Variants in NRXN1 observed in about 807,000 individuals in gnomAD.
NRXN1 encodes the protein neurexin-1.
Under a neutral mutation model 150.9 loss-of-function variants are expected in NRXN1, and 39 were observed. That is an observed-to-expected ratio of 0.26 (90% CI 0.20 to 0.34). The LOEUF (loss-of-function observed/expected upper bound fraction) is 0.34, where lower values mean the gene tolerates loss of function less well. Among genes scored for constraint, NRXN1 ranks in the 10% least tolerant of loss-of-function variants. NRXN1 has a pLI of 1.00. For missense variants in NRXN1, 1,815 were observed against 1,949.9 expected (o/e 0.93, Z 1.30); for synonymous variants, 924 against 757.0 (o/e 1.22, Z -3.62).
chr2:50,548,977 T>G (rs923860885), intron 9 of NRXN1, among the ~76,000 whole-genome samples: 2 of 152,170 alleles, frequency 1.3e-5, no homozygotes, highest in African/African-American at 4.8e-5. Flanking sequence ...TCAACAGATA[T>G]GGCCTCATTA....
intron 19 of NRXN1, among the ~76,000 whole-genome samples, chr2:50,055,743 G>A (rs76353817): frequency 0.012 from 1,825 of 152,282 alleles, 46 homozygotes; most frequent in African/African-American, 0.042. Flanking sequence ...TTCATTTAAA[G>A]CTTAACATGT....
At chr2:50,627,070 CGAAAA>C (rs1391810528) in intron 5 of NRXN1, among the ~76,000 whole-genome samples, 2 of 151,606 alleles carry the variant, frequency 1.3e-5, no homozygotes, top group African/African-American at 2.4e-5. Context: ...TGACATAAAA[CGAAAA>C]GAAAAGAGAA....
chr2:50,851,573 G>T (rs1344141182), intron 5 of NRXN1, among the ~76,000 whole-genome samples: 1 of 151,988 alleles, frequency 6.6e-6, no homozygotes, highest in Admixed American at 6.6e-5. Flanking sequence ...AGCTACTCCT[G>T]TACATCAGGA....
intron 5 of NRXN1, among the ~76,000 whole-genome samples, chr2:50,891,631 C>T (rs896554111): frequency 6.6e-6 from 1 of 151,994 alleles, no homozygotes; most frequent in Non-Finnish European, 1.5e-5. Context: ...AATAAAATCA[C>T]ATGCCAAGGC....
intron 5 of NRXN1, among the ~76,000 whole-genome samples, chr2:50,761,902 C>A (rs913185838): frequency 2.0e-5 from 3 of 151,822 alleles, no homozygotes; most frequent in Non-Finnish European, 4.4e-5. Context: ...CCAAATTCTT[C>A]AGCTTTTGGA....
At chr2:50,168,690 G>A (rs1440899355) in intron 18 of NRXN1, among the ~76,000 whole-genome samples, 1 of 152,096 alleles carries the variant, frequency 6.6e-6, no homozygotes, top group Non-Finnish European at 1.5e-5. Context: ...ATGGCCAGAG[G>A]CCAACCAACA....
chr2:50,829,775 C>A (rs918175718), intron 5 of NRXN1: 25 of 1,541,422 alleles, frequency 1.6e-5, no homozygotes, highest in Non-Finnish European at 2.2e-5. Context: ...GCCACTCAGC[C>A]CTAATGTTTT....
intron 18 of NRXN1, among the ~76,000 whole-genome samples, chr2:50,107,103 T>G (rs750057209): frequency 6.6e-6 from 1 of 151,976 alleles, no homozygotes; most frequent in Non-Finnish European, 1.5e-5. Context: ...CCACCTAAAA[T>G]AACTTTTCAA....
intron 2 of NRXN1, among the ~76,000 whole-genome samples, chr2:50,947,893 A>G (rs1459673295): frequency 6.6e-6 from 1 of 152,000 alleles, no homozygotes; most frequent in Non-Finnish European, 1.5e-5. Context: ...TATCAATTTG[A>G]TAAGTTTACA....
chr2:50,811,404 A>G (rs568616309), intron 5 of NRXN1, among the ~76,000 whole-genome samples: 93 of 152,320 alleles, frequency 6.1e-4, no homozygotes, highest in African/African-American at 1.8e-3. Flanking sequence ...GATATACAAT[A>G]AGTGATGTCA....
At chr2:50,816,898 G>A (rs1669014088) in intron 5 of NRXN1, among the ~76,000 whole-genome samples, 2 of 152,040 alleles carry the variant, frequency 1.3e-5, no homozygotes, top group South Asian at 4.1e-4. Context: ...TGTATTTTAA[G>A]ATACAAATAA....
intron 18 of NRXN1, among the ~76,000 whole-genome samples, chr2:50,201,985 T>C (rs1230744885): frequency 6.6e-6 from 1 of 152,212 alleles, no homozygotes; most frequent in Non-Finnish European, 1.5e-5. Context: ...TCTACTTTTA[T>C]TCAATACATT....
At chr2:50,320,528 G>A (rs2075962798) in intron 17 of NRXN1, among the ~76,000 whole-genome samples, 1 of 151,760 alleles carries the variant, frequency 6.6e-6, no homozygotes, top group Admixed American at 6.6e-5. Flanking sequence ...ATGGCATTAA[G>A]TGACACAGAA....
Position 50,753,278 on chromosome 2 carries a change from T to G in NRXN1, c.833-129663A>C, listed in dbSNP as rs142588572. On this transcript the variant is annotated intron_variant, in intron 5 of 22. Coordinates refer to ENST00000401669, the MANE Select transcript of NRXN1 (RefSeq NM_001330078.2). ...TAAAATTAAAATTAAAAAGCAGAAG[T>G]GGTACAGTTCTCATAATTTTCTACA... Among the ~76,000 whole-genome samples the G allele has an allele frequency of 5.4e-3, 821 of 151,982 alleles. 7 individuals are homozygous for G. The highest frequency in any genetic ancestry group is 0.018 in the African/African-American group (750 of 41,512).
intron 18 of NRXN1, among the ~76,000 whole-genome samples, chr2:50,224,113 T>A (rs945649807): frequency 1.1e-4 from 16 of 151,944 alleles, no homozygotes; most frequent in Non-Finnish European, 1.8e-4. Flanking sequence ...AATTCCATGT[T>A]TAAGGAATAT....
At chr2:50,476,859 A>G (rs182870600) in intron 15 of NRXN1, among the ~76,000 whole-genome samples, 1 of 152,272 alleles carries the variant, frequency 6.6e-6, no homozygotes, top group African/African-American at 2.4e-5. Flanking sequence ...TGCTTGACAA[A>G]TATCTTCTAA....
chr2:50,380,782 T>C (rs535167457), intron 17 of NRXN1, among the ~76,000 whole-genome samples: 1 of 152,162 alleles, frequency 6.6e-6, no homozygotes, highest in African/African-American at 2.4e-5. Context: ...CAAAGCCTGA[T>C]GTCTATCTCA....
At chr2:50,821,460 A>T (rs1392919561) in intron 5 of NRXN1, among the ~76,000 whole-genome samples, 3 of 152,148 alleles carry the variant, frequency 2.0e-5, no homozygotes, top group Middle Eastern at 3.2e-3. Flanking sequence ...TATGTGCTTA[A>T]ATCTTCCCAT....
At chr2:50,438,112 T>G (rs1225030938) in intron 17 of NRXN1, among the ~76,000 whole-genome samples, 1 of 152,160 alleles carries the variant, frequency 6.6e-6, no homozygotes, top group Non-Finnish European at 1.5e-5. Flanking sequence ...ACCTGACTTC[T>G]AGTAGAATCA....
Sources: gnomAD v4.1 joint callset for allele counts (sites outside exome capture counted in the v4.1 genomes callset) on GRCh38, gnomAD v4.1.1 for gene constraint, MANE v1.5 for transcripts, NCBI Gene and HGNC (gene_info 2026-07-23, HGNC 2026-07-21) for gene names.